OXSR1: variants seen among roughly 807,000 people sequenced by gnomAD.
The protein encoded by OXSR1 is oxidative stress responsive kinase 1.
A neutral mutation model predicts 79.8 loss-of-function variants in OXSR1; 24 were observed. The ratio of observed to expected loss-of-function variants is 0.30; its 90% CI spans 0.22 to 0.42. The LOEUF (loss-of-function observed/expected upper bound fraction) is 0.42. Ranked by LOEUF, OXSR1 falls within the 10% of genes least tolerant of loss-of-function variation. The pLI, the probability that OXSR1 is intolerant of heterozygous loss-of-function variation, is 1.00. For synonymous variants in OXSR1, 226 were observed against 209.2 expected, an observed-to-expected ratio of 1.08 and a Z score of -0.69; for missense variants, 430 against 618.4, an observed-to-expected ratio of 0.70 and a Z score of 3.23.
In OXSR1 at chr3:38,165,921, C is replaced by G. The variant is rs759376560; in HGVS notation, c.45C>G (p.Asp15Glu). 3 of 1,611,664 alleles carry G rather than the reference C, an allele frequency of 1.9e-6. No individual in the cohort carries two copies. The highest frequency in any genetic ancestry group is 2.2e-5 in the East Asian group (1 of 44,820). Residue 15 changes from aspartate to glutamate, a missense_variant, in exon 1 of 18, where the codon GAC (aspartate) becomes GAG (glutamate). This residue lies in a region of OXSR1 where 145 missense variants were observed against 228.3 expected (regional missense o/e 0.64). Transcript: ENST00000311806. ...SSALPWSINR[D>E]DYELQEVIGS... ...CCCTGCCCTGGTCCATCAACAGGGACGATTACGAGCTGCAGGAGGTGATCG... is the reference window on the plus strand; with the variant it reads ...CCCTGCCCTGGTCCATCAACAGGGAGGATTACGAGCTGCAGGAGGTGATCG...
chr3:38,217,141 C>T (rs778955537), intron 5 of OXSR1, among the ~76,000 whole-genome samples: 3 of 152,168 alleles, frequency 2.0e-5, no homozygotes, highest in Admixed American at 1.3e-4. Flanking sequence ...CAAATGAAGA[C>T]ATCCAAATAT....
intron 2 of OXSR1, among the ~76,000 whole-genome samples, chr3:38,189,494 A>C (rs746969249): frequency 6.6e-6 from 1 of 152,242 alleles, no homozygotes; most frequent in Non-Finnish European, 1.5e-5. Flanking sequence ...GATCCTTGCC[A>C]TAAAGGAAGT....
At chr3:38,208,959 A>AGT (rs144109114) in intron 4 of OXSR1, among the ~76,000 whole-genome samples, 78,687 of 146,832 alleles carry the variant, frequency 0.54, 22,560 homozygotes, top group South Asian at 0.7. Context: ...CCAGTTAAGG[A>AGT]GTGTGTGTGT....
intron 4 of OXSR1, among the ~76,000 whole-genome samples, chr3:38,205,333 T>TC (rs1038315574): frequency 6.6e-6 from 1 of 152,224 alleles, no homozygotes; most frequent in African/African-American, 2.4e-5. Context: ...GGGAAGATGA[T>TC]CAGTGGAGGG....
At chr3:38,191,897 A>G (rs1313211938) in intron 3 of OXSR1, among the ~76,000 whole-genome samples, 2 of 152,232 alleles carry the variant, frequency 1.3e-5, no homozygotes, top group South Asian at 2.1e-4. Context: ...TTTCTTTTAT[A>G]TTTATAAACT....
chr3:38,196,254 CT>C (rs1313289620), intron 3 of OXSR1, among the ~76,000 whole-genome samples: 1 of 152,152 alleles, frequency 6.6e-6, no homozygotes, highest in Non-Finnish European at 1.5e-5. Flanking sequence ...CTACTTCTTC[CT>C]TTTGCTTAGC....
intron 14 of OXSR1, among the ~76,000 whole-genome samples, chr3:38,248,937 TAATC>T (rs1169027099): frequency 2.0e-5 from 3 of 152,180 alleles, no homozygotes. Context: ...ACTCCCTTAA[TAATC>T]AAGTCTAGGT....
intron 4 of OXSR1, among the ~76,000 whole-genome samples, chr3:38,201,183 GGCATGT>G (rs1159902971): frequency 6.6e-6 from 1 of 151,922 alleles, no homozygotes; most frequent in Non-Finnish European, 1.5e-5. Flanking sequence ...AGGGATTACA[GGCATGT>G]GCTGCTGAGC....
chr3:38,232,946 A>G (rs1270733661), intron 10 of OXSR1, among the ~76,000 whole-genome samples: 1 of 152,200 alleles, frequency 6.6e-6, no homozygotes, highest in Non-Finnish European at 1.5e-5. Context: ...AAGCTACCAT[A>G]TACAACAGAA....
chr3:38,231,826 G>T (rs552460927), intron 10 of OXSR1, among the ~76,000 whole-genome samples: 11 of 152,304 alleles, frequency 7.2e-5, no homozygotes, highest in Middle Eastern at 3.4e-3. Context: ...AGAAGAGTAA[G>T]TTGGGTGCAG....
chr3:38,245,957 C>G (rs1703132809), intron 12 of OXSR1, 118 bp from the exon 13 acceptor site: 1 of 841,172 alleles, frequency 1.2e-6, no homozygotes, highest in Non-Finnish European at 2.0e-6. Flanking sequence ...GACACAAAAC[C>G]TGTACACTAC....
intron 2 of OXSR1, among the ~76,000 whole-genome samples, chr3:38,188,931 G>GT (rs1701934656): frequency 6.6e-6 from 1 of 152,112 alleles, no homozygotes; most frequent in East Asian, 1.9e-4. Context: ...TAAGTTTCAT[G>GT]AGGACTCCCC....
intron 8 of OXSR1, among the ~76,000 whole-genome samples, chr3:38,226,969 G>T (rs1702701741): frequency 6.6e-6 from 1 of 152,118 alleles, no homozygotes; most frequent in Non-Finnish European, 1.5e-5. Flanking sequence ...TTATGTAAAA[G>T]GTTCACAATA....
chr3:38,225,817 T>C (rs1247845018), intron 8 of OXSR1, among the ~76,000 whole-genome samples: 1 of 152,126 alleles, frequency 6.6e-6, no homozygotes, highest in African/African-American at 2.4e-5. Context: ...AACCTACTGA[T>C]TTGGATTTAT....
chr3:38,217,278 G>C lies in OXSR1; in HGVS notation c.490+1127G>C, dbSNP rs562418544. Among the ~76,000 whole-genome samples, 4 of 152,266 alleles carry C rather than the reference G, an allele frequency of 2.6e-5. No homozygotes were observed. The South Asian group carries it at 8.3e-4, about 32-fold the overall frequency. On this transcript the variant is annotated intron_variant, in intron 5 of 17. Coordinates refer to ENST00000311806, the MANE Select transcript of OXSR1 (RefSeq NM_005109.3). ...TCTTGACAGTACTAATTGTTGGTGTGGGTATAAAGCAAGGAAAAAAATCTC... is the reference window on the plus strand; with the variant it reads ...TCTTGACAGTACTAATTGTTGGTGTCGGTATAAAGCAAGGAAAAAAATCTC...
In OXSR1 at chr3:38,236,864, G is replaced by C; in HGVS notation, c.977G>C (p.Gly326Ala). 6.2e-7 allele frequency: 1 copy of C among 1,611,988 alleles called. No homozygotes were observed. Among genetic ancestry groups the C allele is most frequent in the Non-Finnish European group, 8.5e-7 (1 of 1,178,598 alleles). Residue 326 changes from glycine to alanine, a missense_variant, in exon 11 of 18, where the codon GGG becomes GCG. Physicochemically the swap from Gly to Ala is moderately conservative, Grantham distance 60. Around this residue, in one of 3 missense-constraint regions of OXSR1, gnomAD observed 276 missense variants for 354.2 expected, o/e 0.78. Coordinates refer to ENST00000311806, the MANE Select transcript of OXSR1 (RefSeq NM_005109.3). ...KKVRRVPGSS[G>A]RLHKTEDGGW... ...GTTCGGAGAGTACCAGGTTCCAGTG[G>C]GCGTCTTCATAAGACAGAGGATGGA...
chr3:38,191,752 G>A (rs34174085), intron 3 of OXSR1, among the ~76,000 whole-genome samples: 1 of 119,192 alleles, frequency 8.4e-6, no homozygotes, highest in African/African-American at 3.4e-5. Flanking sequence ...TAGCTAGCAA[G>A]TAATCTTACT....
Position 38,252,963 on chromosome 3 carries a change from A to G in OXSR1, c.*72A>G. On this transcript the variant is annotated 3_prime_UTR_variant, in exon 18 of 18. Coordinates refer to ENST00000311806, the MANE Select transcript of OXSR1 (RefSeq NM_005109.3). Reference sequence around the variant, plus strand: ...ATCTCTGTTGCTTCTATTGGCCTAAACCCACTACTGCCAAAGAACCCAGCA... The same window carrying G: ...ATCTCTGTTGCTTCTATTGGCCTAAGCCCACTACTGCCAAAGAACCCAGCA... 1 of 1,244,826 alleles carries G rather than the reference A, an allele frequency of 8.0e-7. No homozygotes were observed. 77.1% of individuals were successfully genotyped at this position (1,244,826 alleles called of 1,614,324 possible).
At chr3:38,189,807 G>A (rs886973529) in intron 2 of OXSR1, among the ~76,000 whole-genome samples, 1 of 152,218 alleles carries the variant, frequency 6.6e-6, no homozygotes, top group African/African-American at 2.4e-5. Context: ...TTATAGTATA[G>A]TCAGATAAGT....
Sources: allele counts gnomAD v4.1 joint callset (sites outside exome capture counted in the v4.1 genomes callset), GRCh38; gene constraint gnomAD v4.1.1; regional missense constraint gnomAD v4.1.1; transcripts MANE v1.5; gene names NCBI Gene and HGNC (gene_info 2026-07-23, HGNC 2026-07-21).